The following FTO variants were observed in gnomAD, a reference collection of about 807,000 sequenced individuals.
The protein encoded by FTO is FTO alpha-ketoglutarate dependent dioxygenase.
FTO carries 47 observed loss-of-function variants against 63.9 expected under a neutral mutation model. The observed-to-expected ratio is 0.74, with a 90% CI of 0.58 to 0.94. FTO has a LOEUF of 0.94. Among genes scored for constraint, FTO ranks in the 40% least tolerant of loss-of-function variants. The probability of loss-of-function intolerance (pLI) is 0.00; values close to 1 mark genes in which losing one functional copy is unlikely to be tolerated. For missense variants in FTO, 562 were observed against 618.1 expected, an observed-to-expected ratio of 0.91 and a Z score of 0.96; for synonymous variants, 207 against 224.4, an observed-to-expected ratio of 0.92 and a Z score of 0.69.
At chr16:53,902,151 G>A (rs1485527065) in intron 7 of FTO, among the ~76,000 whole-genome samples, 1 of 152,128 alleles carries the variant, frequency 6.6e-6, no homozygotes, top group African/African-American at 2.4e-5. Flanking sequence ...ATTGGGCATT[G>A]CTTAATTTCT....
Position 53,785,914 on chromosome 16 carries a change from G to GAAA in FTO, c.46-24212_46-24210dup, listed in dbSNP as rs764170371. Among the ~76,000 whole-genome samples, 262 of 102,328 alleles carry GAAA rather than the reference G, an allele frequency of 2.6e-3. 2 individuals carry two copies. Among genetic ancestry groups the GAAA allele is most frequent in the African/African-American group, 5.6e-3 (129 of 23,082 alleles). 67.1% of individuals were successfully genotyped at this position (102,328 alleles called of 152,430 possible). On this transcript the variant is annotated intron_variant, in intron 1 of 8. Coordinates refer to ENST00000471389, the MANE Select transcript of FTO (RefSeq NM_001080432.3). The stretch of plus-strand genomic sequence containing the variant: ...ACAGAGCGAGACTCCATCTCAAAAA[G>GAAA]AAAAAAAAAAAAAAAAGAAAGTCAT...
intron 1 of FTO, among the ~76,000 whole-genome samples, chr16:53,742,317 G>C (rs945299111): frequency 2.0e-5 from 3 of 152,126 alleles, no homozygotes; most frequent in African/African-American, 7.2e-5. Flanking sequence ...TTTTCAATTA[G>C]AACTATGCCA....
At chr16:53,901,422 G>C (rs1170766052) in intron 7 of FTO, among the ~76,000 whole-genome samples, 1 of 152,222 alleles carries the variant, frequency 6.6e-6, no homozygotes, top group African/African-American at 2.4e-5. Flanking sequence ...TGACAGTCTT[G>C]TGAACTCAAT....
chr16:54,034,741 A>G (rs1318568081), intron 8 of FTO, among the ~76,000 whole-genome samples: 8 of 152,188 alleles, frequency 5.3e-5, no homozygotes, highest in Admixed American at 6.5e-5. Flanking sequence ...CATATTTCAC[A>G]TTTGCACATA....
intron 8 of FTO, among the ~76,000 whole-genome samples, chr16:54,030,150 G>A (rs2084795984): frequency 1.3e-5 from 2 of 152,122 alleles, no homozygotes; most frequent in Admixed American, 6.6e-5. Context: ...GCAGGCTTTA[G>A]TTTTCTACTA....
At chr16:53,812,787 G>A (rs1394457934) in intron 2 of FTO, among the ~76,000 whole-genome samples, 1 of 152,172 alleles carries the variant, frequency 6.6e-6, no homozygotes, top group Non-Finnish European at 1.5e-5. Flanking sequence ...GTGATAGGGT[G>A]GGTGTTCTCT....
At chr16:53,980,145 T>A (rs2083510752) in intron 8 of FTO, among the ~76,000 whole-genome samples, 1 of 152,214 alleles carries the variant, frequency 6.6e-6, no homozygotes, top group African/African-American at 2.4e-5. Flanking sequence ...AACTGGTTAG[T>A]CATGAAGTGA....
At chr16:53,818,443 G>A (rs1228745079) in intron 2 of FTO, among the ~76,000 whole-genome samples, 2 of 152,016 alleles carry the variant, frequency 1.3e-5, no homozygotes, top group Admixed American at 1.3e-4. Flanking sequence ...CCATCAGAAA[G>A]AATCTCTTGG....
At chr16:53,789,753 CATAT>C (rs143403033) in intron 1 of FTO, among the ~76,000 whole-genome samples, 1 of 147,138 alleles carries the variant, frequency 6.8e-6, no homozygotes. Context: ...CTGGAACATA[CATAT>C]ATATATATAT....
At chr16:53,910,108 G>A (rs1427936690) in intron 7 of FTO, among the ~76,000 whole-genome samples, 1 of 152,102 alleles carries the variant, frequency 6.6e-6, no homozygotes, top group Non-Finnish European at 1.5e-5. Context: ...GGTTGGGACG[G>A]AGCCCATTTT....
chr16:54,064,603 G>T (rs576475657), intron 8 of FTO, among the ~76,000 whole-genome samples: 26 of 152,284 alleles, frequency 1.7e-4, no homozygotes, highest in African/African-American at 6.3e-4. Context: ...AATACTTTCA[G>T]TCTGAACTGG....
intron 8 of FTO, among the ~76,000 whole-genome samples, chr16:54,092,123 TA>T (rs1167666656): frequency 6.6e-6 from 1 of 151,864 alleles, no homozygotes; most frequent in Non-Finnish European, 1.5e-5. Flanking sequence ...CAAAAAGTAA[TA>T]AAAAAACAAT....
At chr16:54,023,798 C>G (rs756847377) in intron 8 of FTO, among the ~76,000 whole-genome samples, 1 of 152,284 alleles carries the variant, frequency 6.6e-6, no homozygotes, top group East Asian at 1.9e-4. Flanking sequence ...TGGGACTTCA[C>G]CATGGTCCCA....
At chr16:53,844,447 T>C in intron 4 of FTO, 149 bp downstream of exon 4, 1 of 695,744 alleles carries the variant, frequency 1.4e-6, no homozygotes, top group Non-Finnish European at 2.4e-6. Context: ...GTAACTAGGT[T>C]TTTCTTTTTT....
chr16:53,880,100 T>A (rs1310236432), intron 6 of FTO, 113 bp downstream of exon 6: 2 of 763,726 alleles, frequency 2.6e-6, no homozygotes, highest in African/African-American at 3.5e-5. Context: ...GTTCAAGTGA[T>A]CCTCCTGTCT....
At chr16:53,839,491 C>T (rs865793564) in intron 3 of FTO, among the ~76,000 whole-genome samples, 1 of 152,160 alleles carries the variant, frequency 6.6e-6, no homozygotes. Context: ...GAAAAACTCT[C>T]ACCAAACTAT....
rs1162934358 is a variant in FTO at position 53,805,597 on chromosome 16, C to T, written c.46-4543C>T. The stretch of plus-strand genomic sequence containing the variant: ...CTGAGTTGCTGGGACTGCAAGTGCA[C>T]ACCACCACGCCTGGCTAGTTTTTGT... On this transcript the variant is annotated intron_variant, in intron 1 of 8. Coordinates refer to ENST00000471389, the MANE Select transcript of FTO (RefSeq NM_001080432.3). Among the ~76,000 whole-genome samples, 6 of 151,978 alleles carry T rather than the reference C, an allele frequency of 3.9e-5. No homozygotes were observed. In the East Asian group the frequency reaches 1.2e-3, roughly 29 times the overall value.
intron 1 of FTO, among the ~76,000 whole-genome samples, chr16:53,738,625 G>A (rs1339289314): frequency 6.6e-6 from 1 of 152,106 alleles, no homozygotes; most frequent in Non-Finnish European, 1.5e-5. Flanking sequence ...TGGAATTGCT[G>A]GGTCATATGG....
At chr16:53,992,428 G>A (rs1264341697) in intron 8 of FTO, 3 of 152,120 alleles carry the variant, frequency 2.0e-5, no homozygotes, top group Non-Finnish European at 4.4e-5. Flanking sequence ...CAGAGATCAT[G>A]TTTCCTAAAA....
Sources: gnomAD v4.1 joint callset for allele counts (sites outside exome capture counted in the v4.1 genomes callset) on GRCh38, gnomAD v4.1.1 for gene constraint, MANE v1.5 for transcripts, NCBI Gene and HGNC (gene_info 2026-07-23, HGNC 2026-07-21) for gene names.